The following SLC26A8 variants were observed in gnomAD, a reference collection of about 807,000 sequenced individuals.
SLC26A8 encodes solute carrier family 26 member 8.
A neutral mutation model predicts 105.0 loss-of-function variants in SLC26A8; 70 were observed. The ratio of observed to expected loss-of-function variants is 0.67; its 90% CI spans 0.55 to 0.81. SLC26A8 has a LOEUF of 0.81. Among genes scored for constraint, SLC26A8 ranks in the 40% least tolerant of loss-of-function variants. SLC26A8 has a pLI of 0.00. For missense variants in SLC26A8, 998 were observed against 1,181.8 expected (o/e 0.84, Z 2.28); for synonymous variants, 415 against 438.3 (o/e 0.95, Z 0.66).
At chr6:36,009,306 G>T (rs927796471) in intron 3 of SLC26A8, among the ~76,000 whole-genome samples, 27 of 152,020 alleles carry the variant, frequency 1.8e-4, no homozygotes, top group African/African-American at 6.5e-4. Context: ...AGCCGAGATC[G>T]TGCCACTGTA....
intron 2 of SLC26A8, among the ~76,000 whole-genome samples, chr6:36,012,817 C>T (rs370808138): frequency 2.0e-5 from 3 of 152,176 alleles, no homozygotes; most frequent in Admixed American, 2.0e-4. Context: ...AAATGGACTG[C>T]TGTTGTTTTC....
At position 35,959,507 on chromosome 6, in the gene SLC26A8, T is replaced by A. The variant is rs767972512; in HGVS notation, c.1816A>T (p.Ile606Phe). 5 of 1,613,886 alleles carry A rather than the reference T, an allele frequency of 3.1e-6. No individual in the cohort carries two copies. The highest frequency in any genetic ancestry group is 1.3e-5 in the African/African-American group (1 of 74,900). ...SSDTNLQGGK[I>F]CRCFCNCDDL... ...TCACAGTTGCAGAAACACCTGCAAATCTTTCCTCCTTGTAGATTGGTGTCA... is the reference window on the plus strand; with the variant it reads ...TCACAGTTGCAGAAACACCTGCAAAACTTTCCTCCTTGTAGATTGGTGTCA... Residue 606 changes from isoleucine (I) to phenylalanine (F), a missense_variant, in exon 16 of 20, where the codon ATT becomes TTT. Transcript: ENST00000490799.
rs201631991 is a variant in SLC26A8 at position 36,001,177 on chromosome 6, GGAGTGCAGT to G, written c.329-1078_329-1070del. The stretch of plus-strand genomic sequence containing the variant: ...GGAGTCTTGCTCTGTTGCCCAGGCT[GGAGTGCAGT>G]GGCGCGATCTCGGCTCCCCGCGAGC... On this transcript the variant is annotated intron_variant, in intron 3 of 19. Coordinates refer to ENST00000490799, the MANE Select transcript of SLC26A8 (RefSeq NM_052961.4). 9.3e-3 allele frequency among the ~76,000 whole-genome samples: 1,410 copies of G among 152,016 alleles called. 24 individuals carry two copies. Among genetic ancestry groups the G allele is most frequent in the East Asian group, 0.03 (157 of 5,174 alleles).
intron 3 of SLC26A8, among the ~76,000 whole-genome samples, chr6:36,003,497 T>C (rs571811326): frequency 6.6e-6 from 1 of 152,306 alleles, no homozygotes; most frequent in East Asian, 1.9e-4. Context: ...ATAACATGCA[T>C]GTAGAAAATG....
intron 7 of SLC26A8, among the ~76,000 whole-genome samples, chr6:35,984,408 T>C (rs187258240): frequency 2.0e-5 from 3 of 147,564 alleles, no homozygotes; most frequent in East Asian, 2.2e-4. Context: ...CTGCAACCTC[T>C]ACCTCCTGGG....
At chr6:35,982,229 T>A in intron 7 of SLC26A8, 26 bp from the exon 8 acceptor site, 8 of 1,563,454 alleles carry the variant, frequency 5.1e-6, no homozygotes, top group Non-Finnish European at 6.2e-6. Flanking sequence ...AAAGAAGGGA[T>A]GGGGGCATAT....
In SLC26A8 at chr6:35,978,810, G is replaced by GTCT. The variant is rs141030176; in HGVS notation, c.1026-1462_1026-1460dup. On this transcript the variant is annotated intron_variant, in intron 8 of 19. Coordinates refer to ENST00000490799, the MANE Select transcript of SLC26A8 (RefSeq NM_052961.4). ...ATCATTTTCTTCACCATCCAACTAT[G>GTCT]TCTTCTTCTTCTTCTTTCCTTCTTC... is the stretch of plus-strand genomic sequence containing the variant. Among the ~76,000 whole-genome samples the GTCT allele has an allele frequency of 7.2e-4, 108 of 149,136 alleles. 1 individual carries two copies. In the East Asian group the frequency reaches 0.018, roughly 25 times the overall value.
At chr6:35,948,541 A>G (rs942320295) in intron 19 of SLC26A8, among the ~76,000 whole-genome samples, 3 of 152,206 alleles carry the variant, frequency 2.0e-5, no homozygotes, top group Non-Finnish European at 2.9e-5. Flanking sequence ...GTGAGCCGAG[A>G]TTGTGCCACT....
intron 3 of SLC26A8, among the ~76,000 whole-genome samples, chr6:36,005,979 T>C (rs1369408847): frequency 2.6e-5 from 4 of 152,222 alleles, no homozygotes; most frequent in African/African-American, 9.7e-5. Context: ...AATAAAATTA[T>C]TGTCATCAGG....
intron 10 of SLC26A8, among the ~76,000 whole-genome samples, chr6:35,972,892 C>G (rs767050661): frequency 4.6e-5 from 7 of 152,216 alleles, no homozygotes; most frequent in Non-Finnish European, 8.8e-5. Context: ...CACAGCCAGT[C>G]TTCCTCCAGT....
chr6:35,947,176 G>A (rs372726291), intron 19 of SLC26A8, among the ~76,000 whole-genome samples: 34 of 152,100 alleles, frequency 2.2e-4, no homozygotes, highest in African/African-American at 7.0e-4. Flanking sequence ...TTATAGGCAC[G>A]CGCCAGCATG....
chr6:36,014,574 C>T (rs1562074196), intron 2 of SLC26A8, among the ~76,000 whole-genome samples: 1 of 149,310 alleles, frequency 6.7e-6, no homozygotes, highest in Non-Finnish European at 1.5e-5. Context: ...AAGATTATTT[C>T]ATTTACATTA....
Position 36,019,511 on chromosome 6 carries a change from C to A in SLC26A8, c.188+9G>T. 1 of 1,609,432 alleles carries A rather than the reference C, an allele frequency of 6.2e-7. No individual in the cohort carries two copies. The highest frequency in any genetic ancestry group is 1.1e-5 in the South Asian group (1 of 90,610). ...GCTCGGCAGCAGGTGAAAGATTGGA[C>A]ACACGCACCGGCACTGGACGTGGTG... On this transcript the variant is annotated intron_variant, in intron 2 of 19. Transcript: ENST00000490799.
intron 7 of SLC26A8, among the ~76,000 whole-genome samples, chr6:35,991,138 C>T (rs141666089): frequency 4.6e-5 from 7 of 152,200 alleles, no homozygotes; most frequent in Admixed American, 2.0e-4. Flanking sequence ...TGGTGGCTCA[C>T]GCCTGTAATC....
At chr6:35,953,853 T>C (rs1039515086) in intron 17 of SLC26A8, among the ~76,000 whole-genome samples, 2 of 152,182 alleles carry the variant, frequency 1.3e-5, no homozygotes, top group Non-Finnish European at 2.9e-5. Context: ...TATGAAAAGC[T>C]TCCTTTTGCC....
chr6:35,964,452 AT>A (rs1772424458), intron 11 of SLC26A8, among the ~76,000 whole-genome samples: 2 of 151,962 alleles, frequency 1.3e-5, no homozygotes, highest in Admixed American at 1.3e-4. Flanking sequence ...TTCCAGACAA[AT>A]TTAGCCCATG....
At chr6:35,985,692 C>CAAAAAAAAAA (rs58199602) in intron 7 of SLC26A8, among the ~76,000 whole-genome samples, 1 of 46,950 alleles carries the variant, frequency 2.1e-5, no homozygotes, top group East Asian at 7.7e-4. Context: ...GACTCCGTCT[C>CAAAAAAAAAA]AAAAAAAAAA....
intron 11 of SLC26A8, among the ~76,000 whole-genome samples, chr6:35,968,036 C>T (rs974774104): frequency 2.6e-5 from 4 of 151,664 alleles, no homozygotes; most frequent in South Asian, 2.1e-4. Flanking sequence ...TTAGTAGAGA[C>T]GGGGTTTTGC....
chr6:35,976,865 C>T (rs749013828), intron 9 of SLC26A8, among the ~76,000 whole-genome samples: 9 of 151,980 alleles, frequency 5.9e-5, no homozygotes, highest in Non-Finnish European at 8.8e-5. Context: ...TTTTATAAGA[C>T]GTTCTGCAGC....
Sources: allele counts gnomAD v4.1 joint callset (sites outside exome capture counted in the v4.1 genomes callset), GRCh38; gene constraint gnomAD v4.1.1; transcripts MANE v1.5; gene names NCBI Gene and HGNC (gene_info 2026-07-23, HGNC 2026-07-21).